CEP44: variants seen among roughly 807,000 people sequenced by gnomAD.
CEP44 encodes centrosomal protein of 44 kDa.
A neutral mutation model predicts 46.7 loss-of-function variants in CEP44; 45 were observed. The ratio of observed to expected loss-of-function variants is 0.96; its 90% CI spans 0.76 to 1.24. The LOEUF is 1.24. Ranked by LOEUF, CEP44 falls within the 50% of genes most tolerant of loss-of-function variation. The pLI is 0.00. For missense variants in CEP44, 475 were observed against 459.7 expected (o/e 1.03, Z -0.30); for synonymous variants, 142 against 146.0 (o/e 0.97, Z 0.20).
rs1211282334 is a variant in CEP44 at position 174,304,127 on chromosome 4, A to G, written c.385-120A>G. The G allele has an allele frequency of 4.2e-6, 5 of 1,183,192 alleles. No individual in the cohort carries two copies. In the Middle Eastern group the frequency reaches 8.8e-4, roughly 208 times the overall value. 73.3% of individuals were successfully genotyped at this position (1,183,192 alleles called of 1,614,324 possible). A position where few individuals can be genotyped will look rare whatever the true frequency, so the allele number is the denominator to read the frequency against. ...TTTTTAAAAGTCATGTAGTCTCATTAGAGTCTCATTATTTGTCAGCTATAT... is the reference window on the plus strand; with the variant it reads ...TTTTTAAAAGTCATGTAGTCTCATTGGAGTCTCATTATTTGTCAGCTATAT... On this transcript the variant is annotated intron_variant, in intron 5 of 11. Transcript: ENST00000503780.
Position 174,303,793 on chromosome 4 carries a change from T to C in CEP44, c.328T>C (p.Cys110Arg), listed in dbSNP as rs1740038651. 6.3e-7 allele frequency: 1 copy of C among 1,576,874 alleles called. No homozygotes were observed. The change falls in exon 5 of 12, where the codon TGT (cysteine) becomes CGT (arginine). Residue 110 changes from cysteine to arginine, a missense_variant. Coordinates refer to ENST00000503780, the MANE Select transcript of CEP44 (RefSeq NM_001040157.3). ...TGCAGAATGGAAAATCCAAATTGTT[T>C]GTGATATTTTGAATTGTGTGATGAA... ...GFAEWKIQIV[C>R]DILNCVMKKH... is the part of the protein sequence containing the mutation.
rs1160729271 is a variant in CEP44, at chr4:174,290,472, A to T, written c.-148+6529A>T. 3.4e-5 allele frequency among the ~76,000 whole-genome samples: 4 copies of T among 117,838 alleles called. No individual in the cohort carries two copies. The highest frequency in any genetic ancestry group is 5.2e-4 in the South Asian group (2 of 3,830). 77.3% of individuals were successfully genotyped at this position (117,838 alleles called of 152,430 possible). On this transcript the variant is annotated intron_variant, in intron 1 of 11. Transcript: ENST00000503780. The surrounding 1 kb of genome is among the most constrained non-coding windows in gnomAD (Gnocchi z 4.3). ...TTTGTGACCTAGGCTGTGATCAGTTATAGAGAATGTTTCATGTCCTTTTGA... is the reference window on the plus strand; with the variant it reads ...TTTGTGACCTAGGCTGTGATCAGTTTTAGAGAATGTTTCATGTCCTTTTGA...
intron 1 of CEP44, among the ~76,000 whole-genome samples, chr4:174,285,832 C>A (rs1737532368): frequency 6.6e-6 from 1 of 152,172 alleles, no homozygotes; most frequent in Non-Finnish European, 1.5e-5. Flanking sequence ...GTCCTCACTT[C>A]ATGTTTTTCA....
At chr4:174,306,731 A>G (rs1264783456) in intron 6 of CEP44, among the ~76,000 whole-genome samples, 1 of 152,120 alleles carries the variant, frequency 6.6e-6, no homozygotes, top group Non-Finnish European at 1.5e-5. Context: ...TCAGCCCAAA[A>G]GCTTCTTAAG....
intron 9 of CEP44, among the ~76,000 whole-genome samples, chr4:174,313,034 G>A (rs1301771930): frequency 6.6e-6 from 1 of 152,062 alleles, no homozygotes; most frequent in Non-Finnish European, 1.5e-5. Flanking sequence ...CAAGGGCTAC[G>A]GGTGCTGTCA....
Position 174,302,072 on chromosome 4 carries a change from C to G in CEP44, c.123C>G (p.Pro41=), listed in dbSNP as rs368751627. ...LIKGDPAASL[P]IISYSFTSYS... ...AGGGAGACCCAGCAGCATCTTTGCCCATCATCAGCTATTCTTTTACCTCAT... is the reference window on the plus strand; with the variant it reads ...AGGGAGACCCAGCAGCATCTTTGCCGATCATCAGCTATTCTTTTACCTCAT... The change falls in exon 4 of 12, where the codon CCC becomes CCG. Residue 41 remains proline, a synonymous_variant. Transcript: ENST00000503780. 3.5e-5 allele frequency: 56 copies of G among 1,609,916 alleles called. No individual in the cohort carries two copies. Among genetic ancestry groups the G allele is most frequent in the Non-Finnish European group, 4.6e-5 (54 of 1,178,996 alleles).
rs114448171 is a variant in CEP44 at position 174,309,390 on chromosome 4, T to C, written c.679-460T>C. Among the ~76,000 whole-genome samples, 1,649 of 152,130 alleles carry C rather than the reference T, an allele frequency of 0.011. 26 individuals are homozygous for C. Among genetic ancestry groups the C allele is most frequent in the African/African-American group, 0.038 (1,558 of 41,492 alleles). ...TGTGATTTCTATATATCTCAGTATA[T>C]CAATATACAGTTGGCACTTACAAAA... On this transcript the variant is annotated intron_variant, in intron 7 of 11. Coordinates refer to ENST00000503780, the MANE Select transcript of CEP44 (RefSeq NM_001040157.3). This position sits in a 1 kb window ranked among gnomAD's most constrained non-coding sequence, Gnocchi z 5.3.
At chr4:174,296,565 G>A (rs374499343) in intron 1 of CEP44, among the ~76,000 whole-genome samples, 3 of 151,658 alleles carry the variant, frequency 2.0e-5, no homozygotes, top group East Asian at 1.9e-4. Flanking sequence ...TAAATCCATT[G>A]TGGTCTAAAA....
At chr4:174,292,263 C>T (rs1187432222) in intron 1 of CEP44, among the ~76,000 whole-genome samples, 1 of 152,116 alleles carries the variant, frequency 6.6e-6, no homozygotes, top group Non-Finnish European at 1.5e-5. Flanking sequence ...AAATAAGTTA[C>T]TTTTCTGTCA....
chr4:174,296,855 C>T (rs927712611), intron 1 of CEP44, among the ~76,000 whole-genome samples: 7 of 137,212 alleles, frequency 5.1e-5, no homozygotes, highest in Admixed American at 8.0e-5. Context: ...GTATATTTCT[C>T]GTTGTGGTTC....
chr4:174,307,582 C>T (rs962657295), intron 6 of CEP44, among the ~76,000 whole-genome samples: 2 of 152,312 alleles, frequency 1.3e-5, no homozygotes, highest in South Asian at 4.1e-4. Context: ...ACGCCAAAGG[C>T]AATTCCAACA....
intron 3 of CEP44, among the ~76,000 whole-genome samples, chr4:174,300,720 C>G (rs950541735): frequency 9.2e-5 from 14 of 152,128 alleles, no homozygotes; most frequent in African/African-American, 3.4e-4. Flanking sequence ...ACACAACACC[C>G]CCATCATTTT....
At chr4:174,291,782 CTTTTCTTTTTTTTTTT>C (rs1228875062) in intron 1 of CEP44, among the ~76,000 whole-genome samples, 1 of 81,636 alleles carries the variant, frequency 1.2e-5, no homozygotes, top group Non-Finnish European at 2.6e-5. Context: ...TTATCTTTTT[CTTTTCTTTTTTTTTTT>C]TTTTTTTTTT....
At chr4:174,321,873 ATGAATTAGG>A (rs986883301), downstream of CEP44, among the ~76,000 whole-genome samples, 1 of 152,168 alleles carries the variant, frequency 6.6e-6, no homozygotes, top group Admixed American at 6.6e-5. Context: ...GTTTCCATAG[ATGAATTAGG>A]TGCAAAGAGA....
chr4:174,308,973 C>A, intron 7 of CEP44, 114 bp downstream of exon 7: 1 of 900,526 alleles, frequency 1.1e-6, no homozygotes, highest in Non-Finnish European at 1.7e-6. Context: ...TTAATCATGA[C>A]ATTTTATCTA....
intron 6 of CEP44, among the ~76,000 whole-genome samples, chr4:174,306,319 C>T (rs924140851): frequency 1.3e-5 from 2 of 151,952 alleles, no homozygotes; most frequent in Non-Finnish European, 2.9e-5. Flanking sequence ...TGTAATGAGC[C>T]CTACTCATAG....
intron 2 of CEP44, 108 bp downstream of exon 2, chr4:174,298,170 A>ATTTTTTTTTT (rs35951093): frequency 6.2e-5 from 5 of 81,256 alleles, no homozygotes; most frequent in Non-Finnish European, 6.7e-5. Flanking sequence ...GGTATATATG[A>ATTTTTTTTTT]TTTTTTTTTT....
chr4:174,315,795 C>T (rs921467841), intron 9 of CEP44, among the ~76,000 whole-genome samples: 2 of 146,070 alleles, frequency 1.4e-5, no homozygotes, highest in Admixed American at 1.4e-4. Flanking sequence ...GAGCCGAGAT[C>T]GCGCCACTGC....
At chr4:174,328,687 G>A (rs534070318) in intron 8 of CEP44, among the ~76,000 whole-genome samples, 16 of 151,766 alleles carry the variant, frequency 1.1e-4, no homozygotes, top group East Asian at 5.8e-4. Flanking sequence ...TTTTTTTTCC[G>A]TCATGGCAAA....
Sources: gnomAD v4.1 joint callset for allele counts (sites outside exome capture counted in the v4.1 genomes callset) on GRCh38, gnomAD v4.1.1 for gene constraint, Gnocchi (gnomAD v3.1) non-coding constraint, MANE v1.5 for transcripts, NCBI Gene and HGNC (gene_info 2026-07-23, HGNC 2026-07-21) for gene names.